The following CHODL variants were observed in gnomAD, a reference collection of about 807,000 sequenced individuals.
The protein encoded by CHODL is chondrolectin, also known as transmembrane protein MT75.
Under a neutral mutation model 34.5 loss-of-function variants are expected in CHODL, and 29 were observed. The ratio of observed to expected loss-of-function variants is 0.84; its 90% confidence interval spans 0.63 to 1.15. The LOEUF is 1.15. Among genes scored for constraint, CHODL ranks in the 50% most tolerant of loss-of-function variants. CHODL has a pLI of 0.00. For synonymous variants in CHODL, 125 were observed against 116.1 expected (o/e 1.08, Z -0.49); for missense variants, 332 against 332.5 (o/e 1.00, Z 0.01).
intron 1 of CHODL, among the ~76,000 whole-genome samples, chr21:17,972,378 T>G (rs972010950): frequency 3.9e-5 from 6 of 152,206 alleles, no homozygotes; most frequent in Non-Finnish European, 5.9e-5. Context: ...GACATGATTG[T>G]ATATTTAGAA....
intron 2 of CHODL, among the ~76,000 whole-genome samples, chr21:18,072,289 A>G (rs1001213058): frequency 1.2e-4 from 18 of 152,272 alleles, no homozygotes; most frequent in African/African-American, 2.9e-4. Flanking sequence ...TATGGCTTCA[A>G]TGTGAATTCT....
intron 1 of CHODL, among the ~76,000 whole-genome samples, chr21:18,000,248 A>G (rs1038992709): frequency 6.6e-6 from 1 of 152,148 alleles, no homozygotes; most frequent in Non-Finnish European, 1.5e-5. Flanking sequence ...TGTTTATGTT[A>G]GGACCATCCT....
At chr21:18,125,675 A>G (rs537323028) in intron 2 of CHODL, among the ~76,000 whole-genome samples, 1 of 152,154 alleles carries the variant, frequency 6.6e-6, no homozygotes, top group African/African-American at 2.4e-5. Flanking sequence ...AGCTCACTGC[A>G]ACCTCCGCCT....
At chr21:18,150,018 G>T (rs1017793212) in intron 2 of CHODL, among the ~76,000 whole-genome samples, 1 of 152,156 alleles carries the variant, frequency 6.6e-6, no homozygotes, top group Non-Finnish European at 1.5e-5. Context: ...ATTTTAGGGA[G>T]ATATGAGATT....
chr21:17,986,915 A>C (rs1311725685), intron 1 of CHODL, among the ~76,000 whole-genome samples: 1 of 152,190 alleles, frequency 6.6e-6, no homozygotes, highest in Non-Finnish European at 1.5e-5. Context: ...ATGGTGCCGA[A>C]AATAGGTGCC....
At chr21:18,221,314 G>A (rs1488710136) in intron 2 of CHODL, among the ~76,000 whole-genome samples, 2 of 151,972 alleles carry the variant, frequency 1.3e-5, no homozygotes, top group Non-Finnish European at 2.9e-5. Flanking sequence ...TTGTTTATCT[G>A]CATTCTCTTA....
At chr21:17,964,459 A>C (rs1326736688) in intron 1 of CHODL, among the ~76,000 whole-genome samples, 1 of 152,276 alleles carries the variant, frequency 6.6e-6, no homozygotes, top group Non-Finnish European at 1.5e-5. Context: ...TTAATTTGGC[A>C]GAGGCTTCAG....
chr21:18,223,372 A>G (rs1275603676), intron 2 of CHODL, among the ~76,000 whole-genome samples: 2 of 152,228 alleles, frequency 1.3e-5, no homozygotes, highest in Admixed American at 6.5e-5. Context: ...GGTCATGTCC[A>G]TAGCATTCCC....
At chr21:18,091,402 C>G (rs112177966) in intron 2 of CHODL, among the ~76,000 whole-genome samples, 22 of 152,198 alleles carry the variant, frequency 1.4e-4, no homozygotes, top group African/African-American at 4.6e-4. Context: ...AGGGCTTGCA[C>G]CGTCTTTCCC....
At chr21:18,090,927 A>T (rs555146475) in intron 2 of CHODL, among the ~76,000 whole-genome samples, 1 of 152,264 alleles carries the variant, frequency 6.6e-6, no homozygotes, top group East Asian at 1.9e-4. Flanking sequence ...TTAACTTCAT[A>T]TCATTAAAAA....
chr21:18,017,739 C>G (rs2064089062), intron 1 of CHODL, among the ~76,000 whole-genome samples: 1 of 152,228 alleles, frequency 6.6e-6, no homozygotes, highest in Non-Finnish European at 1.5e-5. Context: ...CACTGGGCCA[C>G]TCCCTAGTGG....
intron 1 of CHODL, among the ~76,000 whole-genome samples, chr21:17,928,919 A>G (rs1420318788): frequency 3.9e-5 from 6 of 152,246 alleles, no homozygotes. Flanking sequence ...CTAGGATAGT[A>G]TTAGTGATAG....
At chr21:18,157,052 A>C (rs1249386692) in intron 2 of CHODL, among the ~76,000 whole-genome samples, 2 of 152,180 alleles carry the variant, frequency 1.3e-5, no homozygotes, top group African/African-American at 4.8e-5. Context: ...AGAAGGCAGA[A>C]GTTACCTTAG....
At chr21:18,090,586 T>A (rs1337419055) in intron 2 of CHODL, among the ~76,000 whole-genome samples, 1 of 150,768 alleles carries the variant, frequency 6.6e-6, no homozygotes, top group Non-Finnish European at 1.5e-5. Flanking sequence ...TGCAAAGAAA[T>A]TCAGAAAAGA....
chr21:18,226,551 G>A (rs1232248069), intron 2 of CHODL, among the ~76,000 whole-genome samples: 1 of 152,028 alleles, frequency 6.6e-6, no homozygotes, highest in Non-Finnish European at 1.5e-5. Context: ...TGCCCGCCTC[G>A]GCTTCCCAAA....
At chr21:18,070,026 C>CCCTCCCCT (rs1491313294) in intron 2 of CHODL, among the ~76,000 whole-genome samples, 6 of 13,550 alleles carry the variant, frequency 4.4e-4, no homozygotes, top group African/African-American at 9.7e-4. Context: ...TCCCTTCCCT[C>CCCTCCCCT]CCCCCCCCCA....
intron 2 of CHODL, among the ~76,000 whole-genome samples, chr21:18,232,843 T>C (rs2073992296): frequency 6.6e-6 from 1 of 150,820 alleles, no homozygotes; most frequent in Non-Finnish European, 1.5e-5. Flanking sequence ...TGCTTTACAT[T>C]GTTTTAAAAA....
chr21:18,258,940 A>G (rs978106673), intron 3 of CHODL, among the ~76,000 whole-genome samples: 1 of 152,084 alleles, frequency 6.6e-6, no homozygotes, highest in Admixed American at 6.5e-5. Context: ...TTGACTAGGC[A>G]TAGAGTGACT....
intron 2 of CHODL, among the ~76,000 whole-genome samples, chr21:18,230,033 A>AT (rs947452769): frequency 3.0e-4 from 45 of 152,170 alleles, no homozygotes; most frequent in Admixed American, 2.4e-3. Flanking sequence ...GAAAAAGTAA[A>AT]TTTTTTTGCG....
Sources: gnomAD v4.1 joint callset for allele counts (sites outside exome capture counted in the v4.1 genomes callset) on GRCh38, gnomAD v4.1.1 for gene constraint, MANE v1.5 for transcripts, NCBI Gene and HGNC (gene_info 2026-07-23, HGNC 2026-07-21) for gene names.